The following PGM1 variants were observed in gnomAD, a reference collection of about 807,000 sequenced individuals.
The protein encoded by PGM1 is phosphoglucomutase-1.
PGM1 carries 52 observed loss-of-function variants against 55.6 expected under a neutral mutation model. The observed-to-expected ratio is 0.94, with a 90% CI of 0.75 to 1.18. The LOEUF (loss-of-function observed/expected upper bound fraction) is 1.18, where lower values mean the gene tolerates loss of function less well. Ranked by LOEUF, PGM1 falls within the 50% of genes most tolerant of loss-of-function variation. PGM1 has a pLI of 0.00. For missense variants in PGM1, 724 were observed against 729.3 expected (o/e 0.99, Z 0.08); for synonymous variants, 287 against 271.7 (o/e 1.06, Z -0.55).
At chr1:63,639,326 A>G (rs1246081184) in intron 7 of PGM1, among the ~76,000 whole-genome samples, 2 of 152,174 alleles carry the variant, frequency 1.3e-5, no homozygotes, top group Admixed American at 6.5e-5. Context: ...TTAAAAATAC[A>G]TCGTTGTGCC....
chr1:63,635,129 C>A, intron 5 of PGM1, 110 bp downstream of exon 5: 1 of 902,278 alleles, frequency 1.1e-6, no homozygotes, highest in Admixed American at 1.8e-5. Flanking sequence ...TGTTAAGGAT[C>A]CCTCATTCTG....
chr1:63,598,625 G>A (rs1453210584), intron 1 of PGM1, among the ~76,000 whole-genome samples: 3 of 152,192 alleles, frequency 2.0e-5, no homozygotes, highest in Non-Finnish European at 4.4e-5. Flanking sequence ...TATAATAAAA[G>A]GAGGTGCTAA....
At chr1:63,615,578 T>G (rs868647301) in intron 1 of PGM1, among the ~76,000 whole-genome samples, 1,896 of 134,898 alleles carry the variant, frequency 0.014, 50 homozygotes, top group African/African-American at 0.06. Context: ...TTTTTTTTTT[T>G]TTGAGACAGA....
chr1:63,616,379 C>T (rs1387732124), intron 1 of PGM1, among the ~76,000 whole-genome samples: 7 of 152,188 alleles, frequency 4.6e-5, no homozygotes, highest in East Asian at 1.9e-4. Flanking sequence ...TGTTTTCAGA[C>T]GTAACCACAT....
Position 63,629,350 on chromosome 1 carries a change from G to T in PGM1, c.247-75G>T, listed in dbSNP as rs889538244. 8 of 1,238,102 alleles carry T rather than the reference G, an allele frequency of 6.5e-6. No homozygotes were observed. The African/African-American group carries it at 8.9e-5, about 14-fold the overall frequency. 76.7% of individuals were successfully genotyped at this position (1,238,102 alleles called of 1,614,324 possible). On this transcript the variant is annotated intron_variant, in intron 1 of 10. Coordinates refer to ENST00000371084, the MANE Select transcript of PGM1 (RefSeq NM_002633.3). Reference sequence around the variant, plus strand: ...TTATTTTTTTGTCCATCTGCCTGTTGTCTTGGTGTTGTTTCTGAGCGGTGA... The same window carrying T: ...TTATTTTTTTGTCCATCTGCCTGTTTTCTTGGTGTTGTTTCTGAGCGGTGA...
chr1:63,622,716 C>T lies in PGM1; in HGVS notation c.247-6709C>T, dbSNP rs549988543. On this transcript the variant is annotated intron_variant, in intron 1 of 10. Transcript: ENST00000371084. ...GGCAACTTTGGAGGTATCTGTTCTT[C>T]TAGAACTGAACACTGTTTTCTTAAA... Among the ~76,000 whole-genome samples the T allele has an allele frequency of 6.6e-5, 10 of 152,286 alleles. No individual in the cohort carries two copies. The South Asian group carries it at 2.1e-3, about 32-fold the overall frequency.
intron 1 of PGM1, among the ~76,000 whole-genome samples, chr1:63,628,317 C>T (rs3819909): frequency 0.13 from 20,378 of 152,044 alleles, 1,394 homozygotes; most frequent in African/African-American, 0.17. Context: ...AAAAATTGTT[C>T]GGAGATTGAC....
chr1:63,618,460 C>G (rs1557707857), intron 1 of PGM1, among the ~76,000 whole-genome samples: 1 of 152,092 alleles, frequency 6.6e-6, no homozygotes, highest in Non-Finnish European at 1.5e-5. Flanking sequence ...AACCACAAGG[C>G]TAATCTTTAG....
intron 1 of PGM1, among the ~76,000 whole-genome samples, chr1:63,616,671 G>A (rs1557707281): frequency 1.3e-5 from 2 of 151,976 alleles, no homozygotes; most frequent in South Asian, 2.1e-4. Flanking sequence ...CAACTGACGC[G>A]TGCTAAAGGT....
At chr1:63,637,834 G>T (rs545494395) in intron 6 of PGM1, among the ~76,000 whole-genome samples, 12 of 152,232 alleles carry the variant, frequency 7.9e-5, no homozygotes, top group African/African-American at 2.9e-4. Context: ...CCAGATAAAA[G>T]TTTATTGTAC....
At chr1:63,655,085 C>T (rs1649925317) in intron 10 of PGM1, among the ~76,000 whole-genome samples, 2 of 151,658 alleles carry the variant, frequency 1.3e-5, no homozygotes, top group Non-Finnish European at 2.9e-5. Context: ...CCTCCTACCT[C>T]AGCTACCTGA....
chr1:63,641,825 C>T (rs1649526459), intron 7 of PGM1, among the ~76,000 whole-genome samples: 1 of 152,156 alleles, frequency 6.6e-6, no homozygotes, highest in South Asian at 2.1e-4. Context: ...TCCCGTAGAG[C>T]CCAGCATAGA....
Position 63,593,432 on chromosome 1 carries a change from G to A in PGM1, c.-57G>A. The stretch of plus-strand genomic sequence containing the variant: ...CCCCAGAGCAGCTGCAGCCTCAGCC[G>A]GCCGCCCCTCCGCCAGCCAAGTCCG... On this transcript the variant is annotated 5_prime_UTR_variant, in exon 1 of 11. Coordinates refer to ENST00000371084, the MANE Select transcript of PGM1 (RefSeq NM_002633.3). 6.2e-7 allele frequency: 1 copy of A among 1,609,842 alleles called. No homozygotes were observed. The highest frequency in any genetic ancestry group is 1.1e-5 in the South Asian group (1 of 90,476).
chr1:63,628,236 A>G (rs1397871385), intron 1 of PGM1, among the ~76,000 whole-genome samples: 1 of 152,200 alleles, frequency 6.6e-6, no homozygotes, highest in Non-Finnish European at 1.5e-5. Context: ...GCCTACTGAC[A>G]GCATCCACCC....
At chr1:63,645,916 C>T (rs540903787) in intron 7 of PGM1, among the ~76,000 whole-genome samples, 5 of 152,130 alleles carry the variant, frequency 3.3e-5, no homozygotes, top group South Asian at 2.1e-4. Flanking sequence ...AAGAGATGCC[C>T]GTAAGAAGCA....
At chr1:63,626,527 C>T (rs1243890494) in intron 1 of PGM1, among the ~76,000 whole-genome samples, 3 of 151,842 alleles carry the variant, frequency 2.0e-5, no homozygotes, top group South Asian at 2.1e-4. Flanking sequence ...CAGCCTTATC[C>T]GGGCTGTAGA....
At chr1:63,597,185 G>A (rs1353388757) in intron 1 of PGM1, among the ~76,000 whole-genome samples, 1 of 140,510 alleles carries the variant, frequency 7.1e-6, no homozygotes, top group East Asian at 1.9e-4. Context: ...AAGGGAGGGA[G>A]GCTCCATAGA....
At chr1:63,634,687 C>T (rs1437012992) in intron 4 of PGM1, 142 bp from the exon 5 acceptor site, 6 of 713,716 alleles carry the variant, frequency 8.4e-6, no homozygotes, top group Non-Finnish European at 1.5e-5. Flanking sequence ...CTCCACTAGT[C>T]CCTGAACACA....
At chr1:63,628,205 G>A (rs1649090726) in intron 1 of PGM1, among the ~76,000 whole-genome samples, 1 of 152,178 alleles carries the variant, frequency 6.6e-6, no homozygotes. Context: ...CTATCTGCAG[G>A]TTCCTGTAGT....
Sources: allele counts gnomAD v4.1 joint callset (sites outside exome capture counted in the v4.1 genomes callset), GRCh38; gene constraint gnomAD v4.1.1; transcripts MANE v1.5; gene names NCBI Gene and HGNC (gene_info 2026-07-23, HGNC 2026-07-21).